The following LINGO2 variants were observed in gnomAD, a reference collection of about 807,000 sequenced individuals.
The protein encoded by LINGO2 is leucine rich repeat and Ig domain containing 2.
Under a neutral mutation model 30.6 loss-of-function variants are expected in LINGO2, and 14 were observed. The ratio of observed to expected loss-of-function variants is 0.46; its 90% CI spans 0.30 to 0.72. LINGO2 has a LOEUF of 0.72. Ranked by LOEUF, LINGO2 falls within the 30% of genes least tolerant of loss-of-function variation. LINGO2 has a pLI of 0.07. For missense variants in LINGO2, 729 were observed against 751.7 expected (o/e 0.97, Z 0.35); for synonymous variants, 317 against 288.5 (o/e 1.10, Z -1.00).
At position 28,136,017 on chromosome 9, in the gene LINGO2, G is replaced by A. The variant is rs150491311; in HGVS notation, c.-86-123612C>T. ...GCAGTGATAAAGTCTGATGGCTAGA[G>A]GAAGGTGAAATATATTATTTCTAAG... On this transcript the variant is annotated intron_variant, in intron 4 of 5. Transcript: ENST00000379992. Among the ~76,000 whole-genome samples the A allele has an allele frequency of 4.7e-3, 721 of 152,262 alleles. 12 individuals are homozygous for A. Among genetic ancestry groups the A allele is most frequent in the African/African-American group, 0.016 (657 of 41,522 alleles).
intron 2 of LINGO2, among the ~76,000 whole-genome samples, chr9:28,388,121 A>G (rs1213087883): frequency 6.6e-6 from 1 of 152,210 alleles, no homozygotes; most frequent in African/African-American, 2.4e-5. Flanking sequence ...TAGTTTTACT[A>G]CATTGGTTAA....
intron 2 of LINGO2, among the ~76,000 whole-genome samples, chr9:28,465,531 C>T (rs1825265250): frequency 6.6e-6 from 1 of 152,136 alleles, no homozygotes; most frequent in South Asian, 2.1e-4. Flanking sequence ...TCACTTAGGG[C>T]CACAAATTCA....
the LINGO2 span, among the ~76,000 whole-genome samples, chr9:29,063,559 C>T: frequency 2.0e-5 from 3 of 151,984 alleles, no homozygotes; most frequent in Middle Eastern, 6.8e-3. Context: ...CCACCATGCC[C>T]GGCGAATATC....
chr9:28,872,323 T>A, the LINGO2 span, among the ~76,000 whole-genome samples: 2 of 152,084 alleles, frequency 1.3e-5, no homozygotes, highest in South Asian at 4.1e-4. Context: ...CCTTTTTTTT[T>A]GACATCAAAC....
the LINGO2 span, among the ~76,000 whole-genome samples, chr9:28,773,191 C>G: frequency 6.6e-6 from 1 of 151,916 alleles, no homozygotes. Context: ...CAGTGAAACC[C>G]TGTCTCTACT....
Position 28,017,694 on chromosome 9 carries a change from T to C in LINGO2, c.-86-5289A>G, listed in dbSNP as rs116937286. 9.3e-3 allele frequency among the ~76,000 whole-genome samples: 1,419 copies of C among 152,198 alleles called. 11 individuals carry two copies. Among genetic ancestry groups the C allele is most frequent in the Middle Eastern group, 0.02 (6 of 294 alleles). ...TCTACAAATGAGAATTTCAAAACAC[T>C]GCTTAAAGAAATCAGAGATGACACA... is the stretch of plus-strand genomic sequence containing the variant. On this transcript the variant is annotated intron_variant, in intron 4 of 5. Transcript: ENST00000379992.
the LINGO2 span, among the ~76,000 whole-genome samples, chr9:29,150,486 A>G: frequency 5.3e-5 from 8 of 152,208 alleles, no homozygotes; most frequent in South Asian, 1.4e-3. Context: ...GCTCACTGTG[A>G]TTCAGGAGAA....
the LINGO2 span, among the ~76,000 whole-genome samples, chr9:29,147,268 A>C: frequency 1.7e-4 from 26 of 152,288 alleles, no homozygotes; most frequent in African/African-American, 6.3e-4. Context: ...CTTTGGATAT[A>C]ATAAATATTT....
intron 1 of LINGO2, among the ~76,000 whole-genome samples, chr9:28,576,993 A>C (rs1521734): frequency 0.86 from 130,302 of 152,104 alleles, 56,181 homozygotes; most frequent in Middle Eastern, 0.96. Flanking sequence ...TCTGACTTAA[A>C]CAACTCCATC....
intron 1 of LINGO2, among the ~76,000 whole-genome samples, chr9:28,533,019 T>C (rs916295707): frequency 2.0e-4 from 31 of 152,040 alleles, no homozygotes; most frequent in Non-Finnish European, 2.9e-4. Context: ...CAAAGTATTG[T>C]TCCTGGGTGT....
At chr9:28,752,655 C>T in the LINGO2 span, among the ~76,000 whole-genome samples, 1 of 151,944 alleles carries the variant, frequency 6.6e-6, no homozygotes, top group African/African-American at 2.4e-5. Flanking sequence ...CCATATTCAC[C>T]AAGTTCACTA....
At position 28,135,862 on chromosome 9, in the gene LINGO2, G is replaced by A. The variant is rs1827502945; in HGVS notation, c.-86-123457C>T. The stretch of plus-strand genomic sequence containing the variant: ...CATTATCCTGTTTACTTCCTTCACA[G>A]CCCTTATCTCAAACACAACTATCTC... On this transcript the variant is annotated intron_variant, in intron 4 of 5. Coordinates refer to ENST00000379992, the Ensembl canonical transcript of LINGO2. Among the ~76,000 whole-genome samples the A allele has an allele frequency of 2.0e-5, 3 of 152,110 alleles. No homozygotes were observed. In the South Asian group the frequency reaches 6.2e-4, roughly 32 times the overall value.
intron 4 of LINGO2, among the ~76,000 whole-genome samples, chr9:28,050,228 C>T (rs1432649378): frequency 2.0e-5 from 3 of 150,438 alleles, no homozygotes; most frequent in African/African-American, 4.9e-5. Context: ...GTACCATGTG[C>T]CTGGCAGTAT....
the LINGO2 span, among the ~76,000 whole-genome samples, chr9:28,732,472 G>A: frequency 2.0e-5 from 3 of 151,904 alleles, no homozygotes; most frequent in Admixed American, 2.0e-4. Flanking sequence ...ATAAATAGGA[G>A]TATTTTTACC....
chr9:28,296,527 G>A (rs1189296958), intron 3 of LINGO2, among the ~76,000 whole-genome samples: 3 of 152,160 alleles, frequency 2.0e-5, no homozygotes, highest in Non-Finnish European at 4.4e-5. Flanking sequence ...TCATGCACCT[G>A]TGATTAGAGC....
chr9:28,590,137 C>T (rs1256068103), intron 1 of LINGO2, among the ~76,000 whole-genome samples: 2 of 152,046 alleles, frequency 1.3e-5, no homozygotes, highest in African/African-American at 2.4e-5. Context: ...TTCCTGACAC[C>T]TTATACAAAA....
At chr9:28,359,985 T>A (rs1158525708) in intron 3 of LINGO2, among the ~76,000 whole-genome samples, 1 of 152,114 alleles carries the variant, frequency 6.6e-6, no homozygotes, top group African/African-American at 2.4e-5. Flanking sequence ...TCATGTAGAT[T>A]GAGGTTAATT....
chr9:28,863,672 A>G, the LINGO2 span: 1 of 532,320 alleles, frequency 1.9e-6, no homozygotes. Context: ...ATTAGCTTAG[A>G]TATGGTGATT....
At chr9:28,980,615 C>T in the LINGO2 span, among the ~76,000 whole-genome samples, 1 of 152,034 alleles carries the variant, frequency 6.6e-6, no homozygotes, top group Non-Finnish European at 1.5e-5. Context: ...ACTTGCTATG[C>T]TCTGTCTGGA....
Sources: allele counts gnomAD v4.1 joint callset (sites outside exome capture counted in the v4.1 genomes callset), GRCh38; gene constraint gnomAD v4.1.1; transcripts MANE v1.5; gene names NCBI Gene and HGNC (gene_info 2026-07-23, HGNC 2026-07-21).